The following ASIC2 variants were observed in gnomAD, a reference collection of about 807,000 sequenced individuals.
The protein encoded by ASIC2 is acid sensing ion channel subunit 2.
ASIC2 carries 25 observed loss-of-function variants against 57.3 expected under a neutral mutation model. The ratio of observed to expected loss-of-function variants is 0.44; its 90% CI spans 0.32 to 0.61. The LOEUF (loss-of-function observed/expected upper bound fraction) is 0.61. Ranked by LOEUF, ASIC2 falls within the 20% of genes least tolerant of loss-of-function variation. ASIC2 has a pLI of 0.06. For synonymous variants in ASIC2, 319 were observed against 307.5 expected (o/e 1.04, Z -0.39); for missense variants, 641 against 738.1 (o/e 0.87, Z 1.52).
At chr17:34,045,858 A>G (rs1908316830) in intron 1 of ASIC2, among the ~76,000 whole-genome samples, 1 of 152,158 alleles carries the variant, frequency 6.6e-6, no homozygotes, top group South Asian at 2.1e-4. Flanking sequence ...AAAAGATTAA[A>G]TGAGTCTCTT....
chr17:33,486,904 G>C (rs998663605), intron 1 of ASIC2, among the ~76,000 whole-genome samples: 16 of 152,192 alleles, frequency 1.1e-4, no homozygotes, highest in African/African-American at 3.4e-4. Flanking sequence ...TTTTCTCTCT[G>C]AGGGCAGGTG....
At chr17:33,149,515 T>C (rs1176128794) in intron 1 of ASIC2, among the ~76,000 whole-genome samples, 1 of 152,250 alleles carries the variant, frequency 6.6e-6, no homozygotes, top group Admixed American at 6.5e-5. Flanking sequence ...GATTTGCAGC[T>C]GCCTCTCTGA....
At chr17:33,637,180 T>C (rs1906399838) in intron 1 of ASIC2, among the ~76,000 whole-genome samples, 1 of 152,112 alleles carries the variant, frequency 6.6e-6, no homozygotes, top group East Asian at 1.9e-4. Flanking sequence ...GGACCACCAA[T>C]TAAAAACTGC....
intron 1 of ASIC2, among the ~76,000 whole-genome samples, chr17:33,158,497 C>T (rs1313973299): frequency 6.6e-6 from 1 of 152,160 alleles, no homozygotes; most frequent in Admixed American, 6.5e-5. Flanking sequence ...GTCTGTGGAT[C>T]GCTGTGAATG....
At chr17:33,921,607 G>A (rs924816419) in intron 1 of ASIC2, among the ~76,000 whole-genome samples, 2 of 152,118 alleles carry the variant, frequency 1.3e-5, no homozygotes, top group Admixed American at 6.5e-5. Context: ...TGGGGTGCAC[G>A]TGGAGAATTC....
intron 1 of ASIC2, among the ~76,000 whole-genome samples, chr17:33,232,293 T>C (rs532852042): frequency 1.3e-5 from 2 of 152,310 alleles, no homozygotes; most frequent in South Asian, 2.1e-4. Context: ...AGGAACTGAA[T>C]TGGCCAAAAT....
chr17:34,045,174 T>C (rs1194945890), intron 1 of ASIC2, among the ~76,000 whole-genome samples: 1 of 152,008 alleles, frequency 6.6e-6, no homozygotes, highest in Non-Finnish European at 1.5e-5. Flanking sequence ...CAATCCTGCC[T>C]AGCATCCAAA....
chr17:33,818,502 G>A (rs1012003821), intron 1 of ASIC2, among the ~76,000 whole-genome samples: 7 of 152,216 alleles, frequency 4.6e-5, no homozygotes, highest in Non-Finnish European at 8.8e-5. Flanking sequence ...GCTCTGAAGC[G>A]GTGGTTCTCA....
chr17:33,151,857 T>C (rs1904812819), intron 1 of ASIC2, among the ~76,000 whole-genome samples: 1 of 152,248 alleles, frequency 6.6e-6, no homozygotes, highest in African/African-American at 2.4e-5. Context: ...AGGTATTCTG[T>C]TATAGCAGCA....
intron 1 of ASIC2, among the ~76,000 whole-genome samples, chr17:33,457,246 CT>C (rs5820041): frequency 0.39 from 56,068 of 143,030 alleles, 10,585 homozygotes; most frequent in South Asian, 0.5. Context: ...TTTTGTTTTT[CT>C]TTTTTTTTTT....
chr17:33,037,962 T>A (rs2091916026), intron 3 of ASIC2, among the ~76,000 whole-genome samples: 1 of 152,218 alleles, frequency 6.6e-6, no homozygotes, highest in African/African-American at 2.4e-5. Context: ...TACAGTTAGA[T>A]GAGATGACTT....
At chr17:33,206,314 G>A (rs998339716) in intron 1 of ASIC2, among the ~76,000 whole-genome samples, 1 of 152,084 alleles carries the variant, frequency 6.6e-6, no homozygotes, top group South Asian at 2.1e-4. Context: ...GGGAGGGAGA[G>A]GGAAGGCCAC....
At chr17:33,943,087 G>A (rs1257615553) in intron 1 of ASIC2, among the ~76,000 whole-genome samples, 2 of 152,144 alleles carry the variant, frequency 1.3e-5, no homozygotes, top group Non-Finnish European at 2.9e-5. Context: ...TGAAAGCTAA[G>A]GCCCAGAAAA....
chr17:34,130,517 C>G (rs1261667788), intron 1 of ASIC2, among the ~76,000 whole-genome samples: 1 of 152,222 alleles, frequency 6.6e-6, no homozygotes, highest in Non-Finnish European at 1.5e-5. Context: ...TGTCTGGACA[C>G]ACAGGGAAAG....
chr17:33,048,093 T>C (rs2091962289), intron 3 of ASIC2, among the ~76,000 whole-genome samples: 1 of 152,184 alleles, frequency 6.6e-6, no homozygotes, highest in African/African-American at 2.4e-5. Flanking sequence ...ATAGCAGAGC[T>C]CTTTCTCTCT....
intron 8 of ASIC2, among the ~76,000 whole-genome samples, chr17:33,016,619 G>A (rs1430999774): frequency 6.6e-6 from 1 of 152,042 alleles, no homozygotes; most frequent in Non-Finnish European, 1.5e-5. Flanking sequence ...TGTGGTTTTG[G>A]GGTCACTGTG....
intron 1 of ASIC2, among the ~76,000 whole-genome samples, chr17:33,513,552 A>G (rs2141950679): frequency 6.6e-6 from 1 of 152,368 alleles, no homozygotes; most frequent in Middle Eastern, 3.4e-3. Context: ...AGTTGGCTCC[A>G]AAGAAGAGAC....
intron 1 of ASIC2, among the ~76,000 whole-genome samples, chr17:34,012,545 T>C (rs1352908191): frequency 1.3e-5 from 2 of 152,190 alleles, no homozygotes; most frequent in Admixed American, 6.5e-5. Context: ...TTGCCCCCTT[T>C]AGGGAGCTTT....
At chr17:33,017,781 C>A (rs777692808) in intron 7 of ASIC2, 97 bp from the exon 8 acceptor site, 21 of 1,156,944 alleles carry the variant, frequency 1.8e-5, no homozygotes, top group Non-Finnish European at 2.5e-5. Flanking sequence ...GAATGGCGCC[C>A]CCTCCATGGG....
Sources: gnomAD v4.1 joint callset for allele counts (sites outside exome capture counted in the v4.1 genomes callset) on GRCh38, gnomAD v4.1.1 for gene constraint, MANE v1.5 for transcripts, NCBI Gene and HGNC (gene_info 2026-07-23, HGNC 2026-07-21) for gene names.